Variants in CNOT6L observed in about 807,000 individuals in gnomAD.
The protein encoded by CNOT6L is CCR4-NOT transcription complex subunit 6 like.
CNOT6L carries 7 observed loss-of-function variants against 64.0 expected under a neutral mutation model. That is an observed-to-expected ratio of 0.11 (90% CI 0.06 to 0.21). The LOEUF (loss-of-function observed/expected upper bound fraction) is 0.21. Ranked by LOEUF, CNOT6L falls within the 10% of genes least tolerant of loss-of-function variation. The pLI, the probability that CNOT6L is intolerant of heterozygous loss-of-function variation, is 1.00. For synonymous variants in CNOT6L, 193 were observed against 243.4 expected, an observed-to-expected ratio of 0.79 and a Z score of 1.93; for missense variants, 245 against 669.0, an observed-to-expected ratio of 0.37 and a Z score of 6.99.
intron 8 of CNOT6L, among the ~76,000 whole-genome samples, chr4:77,732,778 C>T (rs1722585529): frequency 6.6e-6 from 1 of 151,950 alleles, no homozygotes; most frequent in African/African-American, 2.4e-5. Flanking sequence ...CCTGAGACAG[C>T]AAAAAGCACT....
At chr4:77,775,331 G>C (rs1728031513) in intron 2 of CNOT6L, among the ~76,000 whole-genome samples, 1 of 152,090 alleles carries the variant, frequency 6.6e-6, no homozygotes, top group East Asian at 1.9e-4. Context: ...TCTTCCAAAT[G>C]AATGCCTACT....
intron 7 of CNOT6L, among the ~76,000 whole-genome samples, chr4:77,743,854 G>A (rs866492904): frequency 1.6e-4 from 25 of 151,892 alleles, no homozygotes; most frequent in Middle Eastern, 6.8e-3. Flanking sequence ...CACCCGCCTC[G>A]GCCTCCCAGA....
chr4:77,778,771 A>G (rs1032986750), intron 1 of CNOT6L, among the ~76,000 whole-genome samples: 5 of 151,232 alleles, frequency 3.3e-5, no homozygotes, highest in East Asian at 2.0e-4. Context: ...CAGGCCGGGC[A>G]CGGTGGCTCA....
chr4:77,819,402 A>AC (rs1402867251), upstream of CNOT6L: 11 of 1,602,070 alleles, frequency 6.9e-6, no homozygotes, highest in African/African-American at 1.3e-4. Context: ...CCAGGCCCCC[A>AC]CAGATGCTTC....
intron 4 of CNOT6L, among the ~76,000 whole-genome samples, chr4:77,758,741 C>T (rs1560593396): frequency 6.6e-6 from 1 of 152,182 alleles, no homozygotes; most frequent in Non-Finnish European, 1.5e-5. Context: ...GGCATTCCCA[C>T]ACTTTCCTAA....
At chr4:77,769,070 A>C (rs950361937) in intron 4 of CNOT6L, among the ~76,000 whole-genome samples, 1 of 152,216 alleles carries the variant, frequency 6.6e-6, no homozygotes, top group Non-Finnish European at 1.5e-5. Context: ...CACATATCAG[A>C]ATACAATACA....
intron 10 of CNOT6L, among the ~76,000 whole-genome samples, chr4:77,727,661 G>A: frequency 6.6e-6 from 1 of 150,488 alleles, no homozygotes; most frequent in East Asian, 1.9e-4. Flanking sequence ...ATCCAACCAT[G>A]ACAGTCTGGT....
At chr4:77,815,425 C>T (rs1021139352) in intron 1 of CNOT6L, among the ~76,000 whole-genome samples, 5 of 152,166 alleles carry the variant, frequency 3.3e-5, no homozygotes, top group African/African-American at 9.7e-5. Flanking sequence ...GAGCTTCCCC[C>T]TCCCACTCCT....
At chr4:77,794,908 A>C (rs1289417502) in intron 1 of CNOT6L, among the ~76,000 whole-genome samples, 1 of 152,222 alleles carries the variant, frequency 6.6e-6, no homozygotes, top group Admixed American at 6.5e-5. Flanking sequence ...TAACAGAATT[A>C]ATGAATAGAT....
chr4:77,813,654 A>T (rs1307339653), intron 1 of CNOT6L, among the ~76,000 whole-genome samples: 2 of 152,224 alleles, frequency 1.3e-5, no homozygotes, highest in Non-Finnish European at 2.9e-5. Flanking sequence ...CCAACAGCAC[A>T]TAAAAAGCAT....
chr4:77,804,032 A>T (rs1731929471), intron 1 of CNOT6L, among the ~76,000 whole-genome samples: 1 of 152,238 alleles, frequency 6.6e-6, no homozygotes, highest in South Asian at 2.1e-4. Context: ...TCTTAGGTAT[A>T]CACCCAAGAG....
intron 8 of CNOT6L, among the ~76,000 whole-genome samples, chr4:77,738,890 CA>C (rs1723272021): frequency 1.3e-5 from 2 of 151,458 alleles, no homozygotes; most frequent in Admixed American, 1.3e-4. Context: ...AAAGACAAAG[CA>C]AAAGCTGAGA....
At chr4:77,755,925 CAA>C (rs35900749) in intron 5 of CNOT6L, among the ~76,000 whole-genome samples, 118 of 129,308 alleles carry the variant, frequency 9.1e-4, no homozygotes, top group Admixed American at 8.6e-4. Context: ...AGAGCTTAGG[CAA>C]AAAAAAAAAA....
At chr4:77,725,231 TGGACA>T (rs1304942443) in intron 11 of CNOT6L, among the ~76,000 whole-genome samples, 1 of 152,220 alleles carries the variant, frequency 6.6e-6, no homozygotes, top group Non-Finnish European at 1.5e-5. Flanking sequence ...ATTTGTTTCT[TGGACA>T]GGAGCTAACC....
In CNOT6L at chr4:77,765,369, TAAAA is replaced by T. The variant is rs11434861; in HGVS notation, c.400+7708_400+7711del. 2.0e-4 allele frequency among the ~76,000 whole-genome samples: 30 copies of T among 150,574 alleles called. No homozygotes were observed. The East Asian group carries it at 5.9e-3, about 29-fold the overall frequency. On this transcript the variant is annotated intron_variant, in intron 4 of 11. Transcript: ENST00000504123. ...CTTTCCTAATAAACTTGCTTTCACT[TAAAA>T]AAAAAAATTTCTCAAAAGTTCTCAT...
intron 1 of CNOT6L, among the ~76,000 whole-genome samples, chr4:77,792,792 G>A (rs1730320572): frequency 2.0e-5 from 3 of 148,762 alleles, no homozygotes; most frequent in African/African-American, 7.4e-5. Context: ...CTCTCTCCAA[G>A]AAATACTAAC....
chr4:77,752,909 G>C (rs1725005901), intron 5 of CNOT6L, among the ~76,000 whole-genome samples: 1 of 151,536 alleles, frequency 6.6e-6, no homozygotes, highest in African/African-American at 2.4e-5. Context: ...GCTAAAAGTT[G>C]GTTCTTCTTT....
chr4:77,806,867 T>C (rs1578007908), intron 1 of CNOT6L, among the ~76,000 whole-genome samples: 2 of 152,196 alleles, frequency 1.3e-5, no homozygotes, highest in South Asian at 2.1e-4. Context: ...TCTGCAACTA[T>C]AGATCTGCTG....
chr4:77,751,176 C>T (rs561264590), intron 5 of CNOT6L, among the ~76,000 whole-genome samples: 1 of 152,054 alleles, frequency 6.6e-6, no homozygotes, highest in East Asian at 1.9e-4. Context: ...TAGAAAAATC[C>T]AGCAAATACA....
Sources: allele counts gnomAD v4.1 joint callset (sites outside exome capture counted in the v4.1 genomes callset), GRCh38; gene constraint gnomAD v4.1.1; transcripts MANE v1.5; gene names NCBI Gene and HGNC (gene_info 2026-07-23, HGNC 2026-07-21).